Variants in NUBPL observed in about 807,000 individuals in gnomAD.
NUBPL encodes the protein iron-sulfur cluster transfer protein NUBPL.
In NUBPL, 31 loss-of-function variants were observed where a neutral mutation model predicts 45.7. The ratio of observed to expected loss-of-function variants is 0.68; its 90% CI spans 0.51 to 0.92. NUBPL has a LOEUF of 0.92. Ranked by LOEUF, NUBPL falls within the 40% of genes least tolerant of loss-of-function variation. NUBPL has a pLI of 0.00. For missense variants in NUBPL, 401 were observed against 398.7 expected (o/e 1.01, Z -0.05); for synonymous variants, 144 against 140.9 (o/e 1.02, Z -0.15).
chr14:31,693,852 C>CTTTTTTT (rs138873656), intron 6 of NUBPL, among the ~76,000 whole-genome samples: 79 of 66,564 alleles, frequency 1.2e-3, no homozygotes, highest in African/African-American at 2.6e-3. Context: ...ATTTTCTTTT[C>CTTTTTTT]TTTTCTTTTT....
rs531142194 is a variant in NUBPL at position 31,817,900 on chromosome 14, T to C, written c.608-8729T>C. Among the ~76,000 whole-genome samples, 5 of 152,198 alleles carry C rather than the reference T, an allele frequency of 3.3e-5. No individual in the cohort carries two copies. The South Asian group carries it at 1.0e-3, about 32-fold the overall frequency. On this transcript the variant is annotated intron_variant, in intron 7 of 10. Transcript: ENST00000281081. Reference sequence around the variant, plus strand: ...AAAGAGTCAAGACCCATCAGTATGCTGTATTCAGGAGACCCATTTCATGTG... The same window carrying C: ...AAAGAGTCAAGACCCATCAGTATGCCGTATTCAGGAGACCCATTTCATGTG...
At chr14:31,703,650 GA>G (rs2037384849) in intron 6 of NUBPL, among the ~76,000 whole-genome samples, 1 of 152,168 alleles carries the variant, frequency 6.6e-6, no homozygotes, top group Non-Finnish European at 1.5e-5. Context: ...TCACTGTCTT[GA>G]GAACAGCATG....
At chr14:31,852,086 A>G (rs923435645) in intron 10 of NUBPL, among the ~76,000 whole-genome samples, 1 of 152,222 alleles carries the variant, frequency 6.6e-6, no homozygotes, top group Non-Finnish European at 1.5e-5. Context: ...ATGGGGTACC[A>G]AGTTTGCCAC....
intron 8 of NUBPL, among the ~76,000 whole-genome samples, chr14:31,833,283 C>T (rs1043677266): frequency 3.9e-5 from 6 of 152,014 alleles, no homozygotes; most frequent in East Asian, 3.9e-4. Flanking sequence ...GTGGGAGGAT[C>T]GCTTGAGCCT....
At chr14:31,799,014 G>T (rs1420059574) in intron 7 of NUBPL, among the ~76,000 whole-genome samples, 2 of 151,626 alleles carry the variant, frequency 1.3e-5, no homozygotes, top group Non-Finnish European at 2.9e-5. Flanking sequence ...TTTTTTTGTG[G>T]GACAGGGCAG....
At chr14:31,803,712 A>G (rs1360973727) in intron 7 of NUBPL, among the ~76,000 whole-genome samples, 1 of 152,218 alleles carries the variant, frequency 6.6e-6, no homozygotes, top group Non-Finnish European at 1.5e-5. Flanking sequence ...TGTATTCATC[A>G]AGTTAAAAAA....
chr14:31,760,144 T>TGTGTGTGTGTGA, intron 6 of NUBPL, among the ~76,000 whole-genome samples: 2,508 of 34,898 alleles, frequency 0.072, 232 homozygotes, highest in Non-Finnish European at 0.1. Flanking sequence ...TGTGTGTGTG[T>TGTGTGTGTGTGA]GAGAGAGAGA....
intron 6 of NUBPL, among the ~76,000 whole-genome samples, chr14:31,786,682 G>C (rs1270836233): frequency 1.3e-5 from 2 of 152,204 alleles, no homozygotes; most frequent in African/African-American, 2.4e-5. Flanking sequence ...ATGAACAGGT[G>C]ATTAGGGGAA....
chr14:31,859,195 T>C lies in NUBPL; in HGVS notation c.*15T>C. Reference sequence around the variant, plus strand: ...CTTCAGAATGATTCCCCAAGTGTCCTGGAAATTTGCCTGGTACTGACATTA... The same window carrying C: ...CTTCAGAATGATTCCCCAAGTGTCCCGGAAATTTGCCTGGTACTGACATTA... On this transcript the variant is annotated 3_prime_UTR_variant, in exon 11 of 11. Coordinates refer to ENST00000281081, the MANE Select transcript of NUBPL (RefSeq NM_025152.3). 1 of 1,611,294 alleles carries C rather than the reference T, an allele frequency of 6.2e-7. No individual in the cohort carries two copies. Among genetic ancestry groups the C allele is most frequent in the Non-Finnish European group, 8.5e-7 (1 of 1,177,554 alleles).
At position 31,673,518 on chromosome 14, in the gene NUBPL, C is replaced by CCAGTA; in HGVS notation, c.458_462dup (p.Val155GlnfsTer2). The CCAGTA allele has an allele frequency of 6.2e-7, 1 of 1,613,726 alleles. No homozygotes were observed. The highest frequency in any genetic ancestry group is 1.1e-5 in the South Asian group (1 of 91,068). On this transcript the variant is annotated frameshift_variant, in exon 6 of 11. Coordinates refer to ENST00000281081, the MANE Select transcript of NUBPL (RefSeq NM_025152.3). LOFTEE classifies it high-confidence loss of function. ...GGGCTTTCTGGTTGAAGAAAGTGAA[C>CCAGTA]CAGTAGTTTGGAGAGGCCTTATGGT...
At chr14:31,735,715 C>T (rs2038150911) in intron 6 of NUBPL, among the ~76,000 whole-genome samples, 1 of 151,826 alleles carries the variant, frequency 6.6e-6, no homozygotes, top group Non-Finnish European at 1.5e-5. Context: ...AGCCGGGCGT[C>T]GTCGCGCATG....
At chr14:31,571,864 A>G (rs2033594544) in intron 3 of NUBPL, among the ~76,000 whole-genome samples, 1 of 152,194 alleles carries the variant, frequency 6.6e-6, no homozygotes, top group African/African-American at 2.4e-5. Flanking sequence ...TTCATGGAGC[A>G]TTCATTATGT....
At chr14:31,635,990 G>A (rs2035485124) in intron 4 of NUBPL, among the ~76,000 whole-genome samples, 1 of 152,156 alleles carries the variant, frequency 6.6e-6, no homozygotes, top group Admixed American at 6.5e-5. Flanking sequence ...GAGATTTTGG[G>A]CTGAGACAAT....
intron 8 of NUBPL, among the ~76,000 whole-genome samples, chr14:31,837,422 C>T (rs570878081): frequency 6.6e-6 from 1 of 152,080 alleles, no homozygotes. Context: ...GGAGAACTAC[C>T]AAAATAGCTT....
intron 4 of NUBPL, among the ~76,000 whole-genome samples, chr14:31,646,570 G>A (rs2378900): frequency 0.16 from 24,049 of 152,020 alleles, 5,412 homozygotes; most frequent in African/African-American, 0.5. Flanking sequence ...GTTGAGAAGT[G>A]TGTTGCCAAA....
At chr14:31,605,803 T>TC (rs2034573627) in intron 4 of NUBPL, among the ~76,000 whole-genome samples, 1 of 146,038 alleles carries the variant, frequency 6.8e-6, no homozygotes. Flanking sequence ...CTCCTCCTCC[T>TC]CTTCCTCCTC....
chr14:31,665,430 A>G (rs962768257), intron 4 of NUBPL, among the ~76,000 whole-genome samples: 1 of 151,962 alleles, frequency 6.6e-6, no homozygotes, highest in African/African-American at 2.4e-5. Flanking sequence ...GTATCTTTGA[A>G]CTCATTGGTT....
intron 7 of NUBPL, among the ~76,000 whole-genome samples, chr14:31,792,262 G>A (rs1310777911): frequency 6.6e-6 from 1 of 152,148 alleles, no homozygotes; most frequent in African/African-American, 2.4e-5. Flanking sequence ...CTGTGAATAT[G>A]CCTAAATTTG....
intron 6 of NUBPL, among the ~76,000 whole-genome samples, chr14:31,730,436 T>A (rs1349516444): frequency 6.6e-6 from 1 of 151,974 alleles, no homozygotes; most frequent in African/African-American, 2.4e-5. Flanking sequence ...AAGACAACTT[T>A]CATCATCATC....
Sources: allele counts gnomAD v4.1 joint callset (sites outside exome capture counted in the v4.1 genomes callset), GRCh38; gene constraint gnomAD v4.1.1; transcripts MANE v1.5; gene names NCBI Gene and HGNC (gene_info 2026-07-23, HGNC 2026-07-21).